The following NR6A1 variants were observed in gnomAD, a reference collection of about 807,000 sequenced individuals.
NR6A1 encodes retinoic acid receptor-related testis-associated receptor.
NR6A1 carries 7 observed loss-of-function variants against 59.1 expected under a neutral mutation model. That is an observed-to-expected ratio of 0.12 (90% CI 0.07 to 0.22). The LOEUF (loss-of-function observed/expected upper bound fraction) is 0.22. Among genes scored for constraint, NR6A1 ranks in the 10% least tolerant of loss-of-function variants. The pLI is 1.00. For synonymous variants in NR6A1, 243 were observed against 236.1 expected (o/e 1.03, Z -0.27); for missense variants, 468 against 611.6 (o/e 0.77, Z 2.48).
At chr9:124,555,847 T>C (rs41424545) in intron 2 of NR6A1, among the ~76,000 whole-genome samples, 7,195 of 152,262 alleles carry the variant, frequency 0.047, 512 homozygotes, top group African/African-American at 0.15. Flanking sequence ...TAATAGACAT[T>C]TGATAACTGT....
chr9:124,735,061 C>T (rs1839985740), intron 1 of NR6A1, among the ~76,000 whole-genome samples: 1 of 152,190 alleles, frequency 6.6e-6, no homozygotes, highest in Admixed American at 6.5e-5. Flanking sequence ...CCAGGCTGGT[C>T]TCAAACTCCT....
intron 2 of NR6A1, among the ~76,000 whole-genome samples, chr9:124,587,356 C>T (rs959662117): frequency 9.2e-5 from 14 of 152,256 alleles, no homozygotes; most frequent in African/African-American, 3.4e-4. Flanking sequence ...GTATGCCTAT[C>T]GCTTCTCTAT....
chr9:124,634,317 G>A (rs913491329), intron 2 of NR6A1, among the ~76,000 whole-genome samples: 1 of 152,228 alleles, frequency 6.6e-6, no homozygotes, highest in Non-Finnish European at 1.5e-5. Context: ...GAAACTATAT[G>A]TGATTTAAGA....
At chr9:124,551,075 C>A (rs562975881) in intron 3 of NR6A1, among the ~76,000 whole-genome samples, 1 of 152,198 alleles carries the variant, frequency 6.6e-6, no homozygotes, top group African/African-American at 2.4e-5. Context: ...TCCTAGCTTG[C>A]TGGCCCCTTA....
intron 2 of NR6A1, among the ~76,000 whole-genome samples, chr9:124,572,007 AG>A (rs1250055317): frequency 6.6e-6 from 1 of 152,180 alleles, no homozygotes; most frequent in Non-Finnish European, 1.5e-5. Flanking sequence ...GATAGAAAAA[AG>A]GTACCCTAGG....
chr9:124,684,897 G>A (rs947018212), intron 2 of NR6A1, among the ~76,000 whole-genome samples: 6 of 152,106 alleles, frequency 3.9e-5, no homozygotes, highest in Admixed American at 6.5e-5. Context: ...AGTTTTGGGT[G>A]CATCCCTGAG....
chr9:124,535,121 C>G (rs544490497), intron 7 of NR6A1, among the ~76,000 whole-genome samples: 1 of 151,646 alleles, frequency 6.6e-6, no homozygotes, highest in Admixed American at 6.6e-5. Flanking sequence ...CAGACACCGT[C>G]TCAAAAAAAA....
intron 1 of NR6A1, among the ~76,000 whole-genome samples, chr9:124,759,193 A>G (rs1457029810): frequency 6.6e-6 from 1 of 152,188 alleles, no homozygotes; most frequent in East Asian, 1.9e-4. Context: ...TAAATTTTGG[A>G]CACCTAGCTC....
At chr9:124,550,143 A>G (rs1324322578) in intron 3 of NR6A1, among the ~76,000 whole-genome samples, 1 of 152,136 alleles carries the variant, frequency 6.6e-6, no homozygotes, top group Non-Finnish European at 1.5e-5. Flanking sequence ...GTTTCATATC[A>G]GGGGGTATAT....
At chr9:124,768,303 C>T (rs1303249048) in intron 1 of NR6A1, among the ~76,000 whole-genome samples, 3 of 152,106 alleles carry the variant, frequency 2.0e-5, no homozygotes, top group Non-Finnish European at 4.4e-5. Context: ...TAATTCATTT[C>T]TTTTCTACTC....
At chr9:124,751,958 G>T in intron 1 of NR6A1, among the ~76,000 whole-genome samples, 1 of 152,162 alleles carries the variant, frequency 6.6e-6, no homozygotes, top group East Asian at 1.9e-4. Context: ...ATTTGAAGAA[G>T]CTATTGTCAC....
chr9:124,682,901 G>T (rs1480629384), intron 2 of NR6A1, among the ~76,000 whole-genome samples: 1 of 152,086 alleles, frequency 6.6e-6, no homozygotes. Flanking sequence ...GTAACATATA[G>T]CACAGTCAAG....
intron 2 of NR6A1, among the ~76,000 whole-genome samples, chr9:124,563,548 TACAGTACA>T (rs1393834820): frequency 1.3e-5 from 2 of 152,202 alleles, no homozygotes; most frequent in African/African-American, 2.4e-5. Flanking sequence ...GATGAAATGA[TACAGTACA>T]AGATGCTAAG....
At chr9:124,548,873 G>A (rs1265964550) in intron 3 of NR6A1, among the ~76,000 whole-genome samples, 2 of 151,942 alleles carry the variant, frequency 1.3e-5, no homozygotes, top group African/African-American at 2.4e-5. Context: ...GAAGCTGACT[G>A]TATCCTCATT....
chr9:124,544,583 T>A (rs1283870872), intron 3 of NR6A1, among the ~76,000 whole-genome samples: 1 of 152,152 alleles, frequency 6.6e-6, no homozygotes, highest in Non-Finnish European at 1.5e-5. Flanking sequence ...AAAGGTTAAG[T>A]AGGATTTAGG....
At chr9:124,596,879 G>A (rs1564195166) in intron 2 of NR6A1, among the ~76,000 whole-genome samples, 2 of 152,236 alleles carry the variant, frequency 1.3e-5, no homozygotes, top group African/African-American at 2.4e-5. Flanking sequence ...TAAGAAGGTG[G>A]AATGTCCCCA....
At chr9:124,573,377 A>G (rs190848560) in intron 2 of NR6A1, among the ~76,000 whole-genome samples, 43 of 152,306 alleles carry the variant, frequency 2.8e-4, no homozygotes, top group African/African-American at 8.2e-4. Flanking sequence ...TCACAACTAC[A>G]TAACAGCTTG....
rs530369928 is a variant in NR6A1, at chr9:124,619,711, T to C, written c.143-65141A>G. ...CCTCAAACTTCAGTTTCCTTATCTGTAAAATAGGGAGGGGGGCACATATTG... is the reference window on the plus strand; with the variant it reads ...CCTCAAACTTCAGTTTCCTTATCTGCAAAATAGGGAGGGGGGCACATATTG... On this transcript the variant is annotated intron_variant, in intron 2 of 9. Transcript: ENST00000487099. Among the ~76,000 whole-genome samples the C allele has an allele frequency of 5.8e-4, 89 of 152,242 alleles. 1 individual carries two copies. The South Asian group carries it at 0.018, about 31-fold the overall frequency.
intron 1 of NR6A1, among the ~76,000 whole-genome samples, chr9:124,746,668 G>A (rs962195166): frequency 2.0e-5 from 3 of 152,064 alleles, no homozygotes; most frequent in Non-Finnish European, 4.4e-5. Context: ...TAAGACAGAA[G>A]AGCAACAACC....
Sources: allele counts gnomAD v4.1 joint callset (sites outside exome capture counted in the v4.1 genomes callset), GRCh38; gene constraint gnomAD v4.1.1; transcripts MANE v1.5; gene names NCBI Gene and HGNC (gene_info 2026-07-23, HGNC 2026-07-21).